Variants in SUFU observed in about 807,000 individuals in gnomAD.
SUFU encodes the protein SUFU negative regulator of hedgehog signaling.
In SUFU, 7 loss-of-function variants were observed where a neutral mutation model predicts 58.9. The ratio of observed to expected loss-of-function variants is 0.12; its 90% confidence interval spans 0.07 to 0.22. The LOEUF is 0.22. SUFU is among the 10% of genes least tolerant of loss of function. The pLI, the probability that SUFU is intolerant of heterozygous loss-of-function variation, is 1.00. For missense variants in SUFU, 451 were observed against 641.3 expected, an observed-to-expected ratio of 0.70 and a Z score of 3.20; for synonymous variants, 232 against 254.8, an observed-to-expected ratio of 0.91 and a Z score of 0.85.
intron 2 of SUFU, among the ~76,000 whole-genome samples, chr10:102,549,499 C>T (rs2062889336): frequency 6.6e-6 from 1 of 152,184 alleles, no homozygotes; most frequent in African/African-American, 2.4e-5. Flanking sequence ...GATTACAATT[C>T]AAGATGAGAT....
chr10:102,564,530 G>A (rs756727227), intron 3 of SUFU, among the ~76,000 whole-genome samples: 10 of 152,058 alleles, frequency 6.6e-5, no homozygotes, highest in Admixed American at 1.3e-4. Context: ...ATGAGGTTTC[G>A]CCATGTTGGC....
rs929945551 is a variant in SUFU at position 102,579,931 on chromosome 10, T to C, written c.455-12651T>C. On this transcript the variant is annotated intron_variant, in intron 3 of 11. Transcript: ENST00000369902. The stretch of plus-strand genomic sequence containing the variant: ...TGGGAAACTCTACAACTGGTCACCA[T>C]CTGCGCCATTTGACCAGCTATGAAG... 1.1e-4 allele frequency: 94 copies of C among 886,694 alleles called. 1 individual carries two copies. The highest frequency in any genetic ancestry group is 1.2e-4 in the Non-Finnish European group (88 of 740,810). 54.9% of individuals were successfully genotyped at this position (886,694 alleles called of 1,614,324 possible).
chr10:102,544,083 A>G (rs2062829923), intron 2 of SUFU, among the ~76,000 whole-genome samples: 1 of 152,158 alleles, frequency 6.6e-6, no homozygotes, highest in African/African-American at 2.4e-5. Flanking sequence ...TGGGCAGCAG[A>G]GTGAGACCCT....
intron 2 of SUFU, among the ~76,000 whole-genome samples, chr10:102,538,804 CTTCTTATCTACATTTTACAGA>C (rs1667051907): frequency 6.6e-6 from 1 of 152,146 alleles, no homozygotes; most frequent in South Asian, 2.1e-4. Context: ...GAAGTAAACT[CTTCTTATCTACATTTTACAGA>C]TGAAGAAACT....
intron 3 of SUFU, among the ~76,000 whole-genome samples, chr10:102,584,152 T>C (rs933106765): frequency 1.3e-5 from 2 of 152,202 alleles, no homozygotes; most frequent in African/African-American, 2.4e-5. Context: ...CAGGCTTAGA[T>C]ACTGTGTTTG....
intron 3 of SUFU, chr10:102,591,548 C>G (rs2063401879): frequency 6.7e-6 from 1 of 149,504 alleles, no homozygotes; most frequent in South Asian, 2.1e-4. Context: ...AGCACATATA[C>G]TAAAATTGGA....
chr10:102,583,714 T>C (rs2063307302), intron 3 of SUFU, among the ~76,000 whole-genome samples: 1 of 152,232 alleles, frequency 6.6e-6, no homozygotes, highest in African/African-American at 2.4e-5. Flanking sequence ...TTTTCTTTTT[T>C]TTTAATTGTA....
intron 1 of SUFU, among the ~76,000 whole-genome samples, chr10:102,507,549 T>C (rs2062342401): frequency 6.6e-6 from 1 of 152,246 alleles, no homozygotes; most frequent in African/African-American, 2.4e-5. Context: ...TCTTCCTCTG[T>C]TGAGATGCTA....
chr10:102,561,747 C>T (rs2063039661), intron 3 of SUFU, among the ~76,000 whole-genome samples: 1 of 145,842 alleles, frequency 6.9e-6, no homozygotes, highest in Non-Finnish European at 1.5e-5. Context: ...TGGCTCACTG[C>T]AGCTTTGACC....
chr10:102,525,406 G>T (rs974286502), intron 2 of SUFU, among the ~76,000 whole-genome samples: 2 of 152,118 alleles, frequency 1.3e-5, no homozygotes, highest in African/African-American at 2.4e-5. Context: ...CACCGTATCT[G>T]GCCTGAACCT....
At chr10:102,565,247 C>T (rs930179242) in intron 3 of SUFU, among the ~76,000 whole-genome samples, 1 of 152,162 alleles carries the variant, frequency 6.6e-6, no homozygotes, top group East Asian at 1.9e-4. Context: ...CTGCAAAAGT[C>T]GGCCGACAAC....
intron 2 of SUFU, among the ~76,000 whole-genome samples, chr10:102,541,696 GC>G (rs1330869820): frequency 4.9e-5 from 3 of 61,680 alleles, no homozygotes; most frequent in East Asian, 7.4e-4. Context: ...ACCGCGCCCG[GC>G]TTTTTTTTTT....
chr10:102,555,347 C>T (rs1335977769), intron 3 of SUFU, among the ~76,000 whole-genome samples: 1 of 133,810 alleles, frequency 7.5e-6, no homozygotes, highest in Non-Finnish European at 1.6e-5. Context: ...TCCTCAATGA[C>T]AGACCCTACT....
rs2135956766 is a variant in SUFU at position 102,628,647 on chromosome 10, TC to T, written c.1365+1405del. ...AGTAGGTCACTAAAAATGACTTTTT[TC>T]TTTTTTTCCTTTTCTGTCCAGAGGC... On this transcript the variant is annotated intron_variant, in intron 11 of 11. Transcript: ENST00000369902. The surrounding 1 kb of genome is among the most constrained non-coding windows in gnomAD (Gnocchi z 4.5). 6.6e-6 allele frequency among the ~76,000 whole-genome samples: 1 copy of T among 152,256 alleles called. No individual in the cohort carries two copies. Among genetic ancestry groups the T allele is most frequent in the South Asian group, 2.1e-4 (1 of 4,824 alleles).
At chr10:102,598,522 G>A (rs1411187124) in intron 7 of SUFU, among the ~76,000 whole-genome samples, 1 of 152,166 alleles carries the variant, frequency 6.6e-6, no homozygotes, top group Non-Finnish European at 1.5e-5. Context: ...CAAAGAGAGG[G>A]TATACAGTTA....
At chr10:102,535,861 G>A (rs924244071) in intron 2 of SUFU, among the ~76,000 whole-genome samples, 1 of 152,154 alleles carries the variant, frequency 6.6e-6, no homozygotes, top group Non-Finnish European at 1.5e-5. Flanking sequence ...AGCCTTGCAC[G>A]CTAGACCTGC....
rs1163375910 is a variant in SUFU at position 102,625,238 on chromosome 10, G to A, written c.1297-1937G>A. ...TGGAGTCTGTGGGCAGAGTCGGCCAGTCCCACTTTGGGGAATTAGGAAGAA... is the reference window on the plus strand; with the variant it reads ...TGGAGTCTGTGGGCAGAGTCGGCCAATCCCACTTTGGGGAATTAGGAAGAA... On this transcript the variant is annotated intron_variant, in intron 10 of 11. Transcript: ENST00000369902. This position sits in a 1 kb window ranked among gnomAD's most constrained non-coding sequence, Gnocchi z 4.7. 1.3e-5 allele frequency among the ~76,000 whole-genome samples: 2 copies of A among 152,174 alleles called. No individual in the cohort carries two copies. The highest frequency in any genetic ancestry group is 2.9e-5 in the Non-Finnish European group (2 of 68,040).
intron 3 of SUFU, among the ~76,000 whole-genome samples, chr10:102,567,249 G>T (rs981940756): frequency 6.6e-6 from 1 of 151,588 alleles, no homozygotes; most frequent in Admixed American, 6.6e-5. Flanking sequence ...CTGACCTCGT[G>T]ATCCGCCTGC....
chr10:102,558,503 G>A (rs182200176), intron 3 of SUFU, among the ~76,000 whole-genome samples: 39 of 152,296 alleles, frequency 2.6e-4, no homozygotes, highest in Non-Finnish European at 4.4e-4. Context: ...GAGCCACTGC[G>A]CCCAGCCAAG....
Sources: allele counts gnomAD v4.1 joint callset (sites outside exome capture counted in the v4.1 genomes callset), GRCh38; gene constraint gnomAD v4.1.1; non-coding constraint Gnocchi (gnomAD v3.1); transcripts MANE v1.5; gene names NCBI Gene and HGNC (gene_info 2026-07-23, HGNC 2026-07-21).